The following PDLIM4 variants were observed in gnomAD, a reference collection of about 807,000 sequenced individuals.
The protein encoded by PDLIM4 is PDZ and LIM domain 4.
PDLIM4 carries 19 observed loss-of-function variants against 31.3 expected under a neutral mutation model. That is an observed-to-expected ratio of 0.61 (90% confidence interval 0.42 to 0.89). PDLIM4 has a LOEUF of 0.89. Ranked by LOEUF, PDLIM4 falls within the 40% of genes least tolerant of loss-of-function variation. The probability of loss-of-function intolerance (pLI) is 0.00; values close to 1 mark genes in which losing one functional copy is unlikely to be tolerated. For synonymous variants in PDLIM4, 176 were observed against 190.1 expected, an observed-to-expected ratio of 0.93 and a Z score of 0.61; for missense variants, 442 against 461.1, an observed-to-expected ratio of 0.96 and a Z score of 0.38.
intron 3 of PDLIM4, chr5:132,270,510 G>A (rs1349183979): frequency 4.3e-6 from 1 of 232,952 alleles, no homozygotes. Context: ...AGGTGAGAAG[G>A]CTTGGCACCA....
At position 132,257,750 on chromosome 5, in the gene PDLIM4, A is replaced by G; in HGVS notation, c.16A>G (p.Thr6Ala). 6.7e-7 allele frequency: 1 copy of G among 1,495,862 alleles called. No homozygotes were observed. Among genetic ancestry groups the G allele is most frequent in the Admixed American group, 2.1e-5 (1 of 46,976 alleles). The allele number at this position is 1,495,862 out of a possible 1,614,324, so 92.7% of individuals were successfully genotyped here. Residue 6 changes from threonine to alanine, a missense_variant, in exon 1 of 7, where the codon ACC becomes GCC. Transcript: ENST00000253754. This position sits in a 1 kb window ranked among gnomAD's most constrained non-coding sequence, Gnocchi z 4.3. MPHSV[T>A]LRGPSPWGFR... The stretch of plus-strand genomic sequence containing the variant: ...CCAGCCCGCGATGCCCCATTCCGTG[A>G]CCCTGCGCGGGCCTTCGCCCTGGGG...
At chr5:132,266,583 G>C in intron 3 of PDLIM4, 38 bp downstream of exon 3, 1 of 1,431,498 alleles carries the variant, frequency 7.0e-7, no homozygotes, top group Non-Finnish European at 9.8e-7. Context: ...CTGGCTCAGA[G>C]TGAGCCCAGG....
chr5:132,262,733 A>G lies in PDLIM4; in HGVS notation c.218A>G (p.His73Arg). The G allele has an allele frequency of 6.2e-7, 1 of 1,613,938 alleles. No homozygotes were observed. Among genetic ancestry groups the G allele is most frequent in the Non-Finnish European group, 8.5e-7 (1 of 1,179,876 alleles). ...GCACAGAACCGCATCAAGGGCTGCCACGATCACCTCACACTGTCTGTGAGC... is the reference window on the plus strand; with the variant it reads ...GCACAGAACCGCATCAAGGGCTGCCGCGATCACCTCACACTGTCTGTGAGC... ...LEAQNRIKGC[H>R]DHLTLSVSRP... Residue 73 changes from histidine to arginine, a missense_variant, in exon 2 of 7, where the codon CAC (histidine) becomes CGC (arginine). Transcript: ENST00000253754.
In PDLIM4 at chr5:132,272,040, G is replaced by T; in HGVS notation, c.804G>T (p.Lys268Asn). 1 of 1,614,234 alleles carries T rather than the reference G, an allele frequency of 6.2e-7. No individual in the cohort carries two copies. The highest frequency in any genetic ancestry group is 8.5e-7 in the Non-Finnish European group (1 of 1,180,012). Reference sequence around the variant, plus strand: ...CCCCCATCAGGGGCACCATCGTCAAGGCACGGGACAAGCTCTACCATCCCG... The same window carrying T: ...CCCCCATCAGGGGCACCATCGTCAATGCACGGGACAAGCTCTACCATCCCG... ...CGHGIVGTIVKARDKLYHPEC... is the reference protein window; with the variant it reads ...CGHGIVGTIVNARDKLYHPEC... The change falls in exon 7 of 7, where the codon AAG (lysine) becomes AAT (asparagine). Residue 268 changes from lysine to asparagine, a missense_variant. Transcript: ENST00000253754.
chr5:132,261,144 A>C (rs162905), intron 1 of PDLIM4, among the ~76,000 whole-genome samples: 2 of 152,060 alleles, frequency 1.3e-5, no homozygotes, highest in Non-Finnish European at 1.5e-5. Context: ...CCCTGGCACA[A>C]GGCAGGTATC....
intron 3 of PDLIM4, 121 bp from the exon 4 acceptor site, chr5:132,270,794 G>A (rs1037516531): frequency 6.2e-5 from 53 of 849,324 alleles, no homozygotes; most frequent in Admixed American, 4.5e-4. Context: ...CAGAGATGCC[G>A]AAGCAGAGGA....
In PDLIM4 at chr5:132,272,136, C is replaced by G. The variant is rs764132607; in HGVS notation, c.900C>G (p.Leu300=). ...GTTACTTCTTTCTGGACGAGCGGCT[C>G]TACTGTGAGAGCCACGCCAAGGCGC... ...QRGYFFLDER[L]YCESHAKARV... Residue 300 remains leucine (L), a synonymous_variant, in exon 7 of 7, where the codon CTC becomes CTG. Transcript: ENST00000253754. 8.7e-6 allele frequency: 14 copies of G among 1,614,148 alleles called. No individual in the cohort carries two copies. In the Middle Eastern group the frequency reaches 8.2e-4, roughly 95 times the overall value.
At chr5:132,268,891 G>C (rs78191434) in intron 3 of PDLIM4, among the ~76,000 whole-genome samples, 1,659 of 152,296 alleles carry the variant, frequency 0.011, 34 homozygotes, top group African/African-American at 0.038. Context: ...CAGAGCAGAG[G>C]AGCATATGGT....
chr5:132,258,164 C>A (rs1302090588), intron 1 of PDLIM4, among the ~76,000 whole-genome samples: 1 of 152,228 alleles, frequency 6.6e-6, no homozygotes, highest in East Asian at 1.9e-4. Context: ...GGCCCAGAAA[C>A]TCTTCAGACT....
chr5:132,270,014 A>G (rs1049399206), intron 3 of PDLIM4, among the ~76,000 whole-genome samples: 1 of 152,046 alleles, frequency 6.6e-6, no homozygotes, highest in Non-Finnish European at 1.5e-5. Context: ...TAATTGTGAG[A>G]GTGTGCATGC....
At chr5:132,271,936 C>T (rs751744427) in intron 6 of PDLIM4, 28 bp downstream of exon 6, 6 of 1,591,382 alleles carry the variant, frequency 3.8e-6, no homozygotes, top group East Asian at 2.2e-5. Flanking sequence ...CTGCCCCTCC[C>T]GGACCCTAGC....
Position 132,272,918 on chromosome 5 carries a change from A to G in PDLIM4, c.*689A>G, listed in dbSNP as rs1406688859. The G allele has an allele frequency of 6.6e-6, 1 of 151,220 alleles. No individual in the cohort carries two copies. The highest frequency in any genetic ancestry group is 6.6e-5 in the Admixed American group (1 of 15,198). The allele number at this position is 151,220 out of a possible 1,614,324, so 9.4% of individuals were successfully genotyped here. On this transcript the variant is annotated 3_prime_UTR_variant, in exon 7 of 7. Coordinates refer to ENST00000253754, the MANE Select transcript of PDLIM4 (RefSeq NM_003687.4). ...TTTTCTTCCCCTTCCTCTCTCCCCCACCAGGGGGCGCGCTTAAATTTCCAG... is the reference window on the plus strand; with the variant it reads ...TTTTCTTCCCCTTCCTCTCTCCCCCGCCAGGGGGCGCGCTTAAATTTCCAG...
At chr5:132,270,281 G>A (rs1468170850) in intron 3 of PDLIM4, among the ~76,000 whole-genome samples, 2 of 152,216 alleles carry the variant, frequency 1.3e-5, no homozygotes, top group East Asian at 1.9e-4. Flanking sequence ...CTCATCTGCT[G>A]TGCCTGCAGA....
chr5:132,266,247 G>A (rs963854385), intron 2 of PDLIM4, among the ~76,000 whole-genome samples: 3 of 152,192 alleles, frequency 2.0e-5, no homozygotes, highest in South Asian at 2.1e-4. Context: ...TTGGGCAGCC[G>A]ATGGGGACAG....
rs1176102664 is a variant in PDLIM4, at chr5:132,272,570, G to T, written c.*341G>T. 3.5e-5 allele frequency: 13 copies of T among 370,158 alleles called. No individual in the cohort carries two copies. The Admixed American group carries it at 4.6e-4, about 13-fold the overall frequency. The allele number at this position is 370,158 out of a possible 1,614,324, so 22.9% of individuals were successfully genotyped here. On this transcript the variant is annotated 3_prime_UTR_variant, in exon 7 of 7. Coordinates refer to ENST00000253754, the MANE Select transcript of PDLIM4 (RefSeq NM_003687.4). ...GCTGCGTGCGGCGCGACGACAGGAG[G>T]TATGACCTGGGTGGGGTCAGGGAAA...
intron 1 of PDLIM4, among the ~76,000 whole-genome samples, chr5:132,260,712 C>G (rs1756355481): frequency 6.6e-6 from 1 of 152,212 alleles, no homozygotes; most frequent in Non-Finnish European, 1.5e-5. Context: ...TATCAATTAA[C>G]TATCCTTCTG....
At chr5:132,271,224 A>T in intron 4 of PDLIM4, 79 bp from the exon 5 acceptor site, 2 of 1,508,532 alleles carry the variant, frequency 1.3e-6, no homozygotes, top group Non-Finnish European at 9.0e-7. Context: ...TCTGACTCAT[A>T]AGCCTTACCA....
At chr5:132,269,245 C>A (rs1450780153) in intron 3 of PDLIM4, among the ~76,000 whole-genome samples, 1 of 151,800 alleles carries the variant, frequency 6.6e-6, no homozygotes, top group East Asian at 1.9e-4. Context: ...CTGCAGTGGA[C>A]CCCTGCACCC....
intron 2 of PDLIM4, among the ~76,000 whole-genome samples, chr5:132,264,535 T>C (rs185960339): frequency 6.6e-6 from 1 of 152,242 alleles, no homozygotes; most frequent in Non-Finnish European, 1.5e-5. Context: ...CATTGAGTGA[T>C]GATGTACCAG....
Sources: gnomAD v4.1 joint callset for allele counts (sites outside exome capture counted in the v4.1 genomes callset) on GRCh38, gnomAD v4.1.1 for gene constraint, Gnocchi (gnomAD v3.1) non-coding constraint, MANE v1.5 for transcripts, NCBI Gene and HGNC (gene_info 2026-07-23, HGNC 2026-07-21) for gene names.